The following PFDN2 variants were observed in gnomAD, a reference collection of about 807,000 sequenced individuals.
The protein encoded by PFDN2 is prefoldin 2.
Under a neutral mutation model 18.3 loss-of-function variants are expected in PFDN2, and 7 were observed. The observed-to-expected ratio is 0.38, with a 90% CI of 0.22 to 0.72. The LOEUF (loss-of-function observed/expected upper bound fraction) is 0.72. Among genes scored for constraint, PFDN2 ranks in the 30% least tolerant of loss-of-function variants. The pLI, the probability that PFDN2 is intolerant of heterozygous loss-of-function variation, is 0.47. For synonymous variants in PFDN2, 76 were observed against 75.0 expected (o/e 1.01, Z -0.07); for missense variants, 181 against 199.1 (o/e 0.91, Z 0.55).
intron 1 of PFDN2, among the ~76,000 whole-genome samples, chr1:161,111,662 C>G (rs918479772): frequency 6.6e-6 from 1 of 151,906 alleles, no homozygotes; most frequent in Non-Finnish European, 1.5e-5. Flanking sequence ...TGTAGATCTT[C>G]GACTCCCCTT....
chr1:161,111,733 A>G (rs928453116), intron 1 of PFDN2, among the ~76,000 whole-genome samples: 1 of 152,140 alleles, frequency 6.6e-6, no homozygotes, highest in Non-Finnish European at 1.5e-5. Context: ...CTCCTTTCTG[A>G]AAGTTCTTCC....
chr1:161,104,330 T>C lies in PFDN2; in HGVS notation c.76-1955A>G, dbSNP rs530244762. Among the ~76,000 whole-genome samples the C allele has an allele frequency of 2.0e-5, 3 of 152,154 alleles. No individual in the cohort carries two copies. In the South Asian group the frequency reaches 6.2e-4, roughly 32 times the overall value. On this transcript the variant is annotated intron_variant, in intron 1 of 3. Transcript: ENST00000368010. ...TCAATCCATTCAAACCATTACCAAA[T>C]ACGAGTGTATTTGCAAATATCATCT...
chr1:161,112,145 A>C (rs774088977), intron 1 of PFDN2, among the ~76,000 whole-genome samples: 7 of 152,224 alleles, frequency 4.6e-5, no homozygotes, highest in Non-Finnish European at 8.8e-5. Flanking sequence ...CATAAGTATT[A>C]ATTACTTCTT....
At chr1:161,110,777 T>C (rs1049644527) in intron 1 of PFDN2, among the ~76,000 whole-genome samples, 2 of 152,006 alleles carry the variant, frequency 1.3e-5, no homozygotes, top group African/African-American at 2.4e-5. Flanking sequence ...TTTGACCTTA[T>C]TACTCCATCA....
At chr1:161,106,266 G>C (rs1334394885) in intron 1 of PFDN2, among the ~76,000 whole-genome samples, 2 of 152,100 alleles carry the variant, frequency 1.3e-5, no homozygotes, top group African/African-American at 4.8e-5. Flanking sequence ...ACAGCCTACA[G>C]AACCATGAGC....
intron 1 of PFDN2, among the ~76,000 whole-genome samples, chr1:161,111,927 C>T (rs1654818360): frequency 6.6e-6 from 1 of 152,168 alleles, no homozygotes; most frequent in South Asian, 2.1e-4. Flanking sequence ...GCATTCTTAG[C>T]TACTTCTATA....
intron 1 of PFDN2, 112 bp from the exon 2 acceptor site, chr1:161,102,487 G>A: frequency 1.4e-6 from 1 of 736,538 alleles, no homozygotes; most frequent in Non-Finnish European, 2.3e-6. Flanking sequence ...ACCTACCTTG[G>A]AAAAGGAGTA....
At chr1:161,103,828 T>A (rs886819631) in intron 1 of PFDN2, among the ~76,000 whole-genome samples, 2 of 147,624 alleles carry the variant, frequency 1.4e-5, no homozygotes, top group Non-Finnish European at 3.0e-5. Flanking sequence ...AAAATCAGAG[T>A]GTGGGGGGAA....
At chr1:161,115,765 A>G (rs1654901774) in intron 1 of PFDN2, among the ~76,000 whole-genome samples, 1 of 152,218 alleles carries the variant, frequency 6.6e-6, no homozygotes, top group Non-Finnish European at 1.5e-5. Context: ...CTATTATATA[A>G]ATTAGACTTT....
At position 161,118,003 on chromosome 1, in the gene PFDN2, G is replaced by T. The variant is rs146025814; in HGVS notation, c.24C>A (p.Ala8=). The stretch of plus-strand genomic sequence containing the variant: ...CCGCGCCGCTCCCGCTGCTCTTGCC[G>T]GCGCGACCGCTGTTCTCCGCCATCT... The part of the protein sequence containing the change: MAENSGR[A]GKSSGSGAGK... Residue 8 remains alanine, a synonymous_variant, in exon 1 of 4, where the codon GCC becomes GCA. Coordinates refer to ENST00000368010, the MANE Select transcript of PFDN2 (RefSeq NM_012394.4). 4.3e-6 allele frequency: 7 copies of T among 1,612,374 alleles called. No individual in the cohort carries two copies. Among genetic ancestry groups the T allele is most frequent in the African/African-American group, 4.0e-5 (3 of 75,018 alleles).
At chr1:161,105,001 C>T (rs554762861) in intron 1 of PFDN2, among the ~76,000 whole-genome samples, 2 of 152,250 alleles carry the variant, frequency 1.3e-5, no homozygotes, top group African/African-American at 4.8e-5. Context: ...TGTCTCAAAA[C>T]CATCCCATTT....
intron 1 of PFDN2, among the ~76,000 whole-genome samples, chr1:161,108,120 A>C (rs896302838): frequency 2.0e-4 from 30 of 150,160 alleles, no homozygotes; most frequent in South Asian, 1.1e-3. Flanking sequence ...GTCTCAAAAA[A>C]AAAAACAAAA....
At chr1:161,110,119 G>A (rs1654775314) in intron 1 of PFDN2, among the ~76,000 whole-genome samples, 1 of 149,096 alleles carries the variant, frequency 6.7e-6, no homozygotes, top group Non-Finnish European at 1.5e-5. Flanking sequence ...TATTACCTTG[G>A]CAGGCTGAGG....
At chr1:161,111,229 A>T (rs1654803758) in intron 1 of PFDN2, among the ~76,000 whole-genome samples, 1 of 152,178 alleles carries the variant, frequency 6.6e-6, no homozygotes, top group African/African-American at 2.4e-5. Flanking sequence ...AAGTACTGGG[A>T]TCCAAGTAGC....
intron 1 of PFDN2, among the ~76,000 whole-genome samples, chr1:161,106,599 A>C (rs890416714): frequency 1.3e-5 from 2 of 152,070 alleles, no homozygotes; most frequent in Non-Finnish European, 2.9e-5. Flanking sequence ...AACCCTATTA[A>C]ATCATCATCT....
intron 1 of PFDN2, among the ~76,000 whole-genome samples, chr1:161,108,114 CA>C (rs762075662): frequency 2.0e-4 from 14 of 69,402 alleles, no homozygotes; most frequent in African/African-American, 2.9e-4. Context: ...GACTCTGTCT[CA>C]AAAAAAAAAA....
At chr1:161,105,784 T>C (rs1446278216) in intron 1 of PFDN2, among the ~76,000 whole-genome samples, 2 of 152,160 alleles carry the variant, frequency 1.3e-5, no homozygotes, top group African/African-American at 2.4e-5. Context: ...TTCCAACTTT[T>C]CTTCAACATT....
At chr1:161,116,074 T>G (rs1427241398) in intron 1 of PFDN2, among the ~76,000 whole-genome samples, 1 of 151,932 alleles carries the variant, frequency 6.6e-6, no homozygotes, top group Non-Finnish European at 1.5e-5. Flanking sequence ...AAAAACAATT[T>G]TTAATTAGCC....
chr1:161,100,933 G>A (rs1654543135), intron 3 of PFDN2, 74 bp from the exon 4 acceptor site: 6 of 1,130,682 alleles, frequency 5.3e-6, no homozygotes, highest in Non-Finnish European at 7.8e-6. Context: ...ACTATGGTTG[G>A]AGGAAGTGTT....
Sources: gnomAD v4.1 joint callset for allele counts (sites outside exome capture counted in the v4.1 genomes callset) on GRCh38, gnomAD v4.1.1 for gene constraint, MANE v1.5 for transcripts, NCBI Gene and HGNC (gene_info 2026-07-23, HGNC 2026-07-21) for gene names.